The following ITPR1 variants were observed in gnomAD, a reference collection of about 807,000 sequenced individuals.
ITPR1 encodes the protein inositol 1,4,5-trisphosphate receptor type 1.
ITPR1 carries 96 observed loss-of-function variants against 318.4 expected under a neutral mutation model. The observed-to-expected ratio is 0.30, with a 90% CI of 0.26 to 0.36. ITPR1 has a LOEUF of 0.36. Among genes scored for constraint, ITPR1 ranks in the 10% least tolerant of loss-of-function variants. ITPR1 has a pLI of 1.00. For missense variants in ITPR1, 2,440 were observed against 3,460.2 expected (o/e 0.71, Z 7.40); for synonymous variants, 1,312 against 1,289.9 (o/e 1.02, Z -0.37).
At chr3:4,805,937 T>G (rs561174593) in intron 54 of ITPR1, among the ~76,000 whole-genome samples, 166 bp from the exon 55 acceptor site, 17 of 152,340 alleles carry the variant, frequency 1.1e-4, no homozygotes, top group African/African-American at 3.4e-4. Flanking sequence ...ATGAAATGAC[T>G]TAGATCTGCA....
chr3:4,690,195 A>C (rs2094458345), intron 31 of ITPR1, among the ~76,000 whole-genome samples: 1 of 152,226 alleles, frequency 6.6e-6, no homozygotes, highest in African/African-American at 2.4e-5. Context: ...GAATAGCTTG[A>C]ACTCAGGAGG....
At chr3:4,590,080 G>C (rs920790780) in intron 4 of ITPR1, among the ~76,000 whole-genome samples, 1 of 151,368 alleles carries the variant, frequency 6.6e-6, no homozygotes, top group Non-Finnish European at 1.5e-5. Flanking sequence ...CCTCTGCACA[G>C]ATGCCACCAC....
Position 4,645,568 on chromosome 3 carries a change from G to A in ITPR1, c.709-14G>A. ...ATTCTTTTTTCCTTAATTCTTTCTT[G>A]TGTTGACTGTCAGGGTGACGTGGTG... On this transcript the variant is annotated splice_polypyrimidine_tract_variant and intron_variant, in intron 9 of 61. Coordinates refer to ENST00000649015, the MANE Select transcript of ITPR1 (RefSeq NM_001378452.1). 6.2e-7 allele frequency: 1 copy of A among 1,612,548 alleles called. No homozygotes were observed. Among genetic ancestry groups the A allele is most frequent in the Non-Finnish European group, 8.5e-7 (1 of 1,179,128 alleles).
At chr3:4,715,512 G>C (rs2041702738) in intron 39 of ITPR1, among the ~76,000 whole-genome samples, 1 of 152,190 alleles carries the variant, frequency 6.6e-6, no homozygotes, top group Non-Finnish European at 1.5e-5. Flanking sequence ...AGTAGCAAGT[G>C]GTTGGTTCAC....
At chr3:4,523,799 G>A (rs1219041280) in intron 4 of ITPR1, among the ~76,000 whole-genome samples, 1 of 152,212 alleles carries the variant, frequency 6.6e-6, no homozygotes, top group Non-Finnish European at 1.5e-5. Flanking sequence ...TAGGACTATA[G>A]CAGGGGAAGT....
intron 4 of ITPR1, among the ~76,000 whole-genome samples, chr3:4,622,405 G>A (rs866148826): frequency 2.8e-4 from 42 of 150,166 alleles, no homozygotes; most frequent in African/African-American, 6.1e-4. Context: ...AAGCCACTGC[G>A]GCCAGCCTTT....
At chr3:4,788,729 C>T (rs2047361015) in intron 52 of ITPR1, among the ~76,000 whole-genome samples, 2 of 152,324 alleles carry the variant, frequency 1.3e-5, no homozygotes. Flanking sequence ...CTTCTGTGTT[C>T]CTGGTTTTCA....
In ITPR1 at chr3:4,766,904, C is replaced by G. The variant is rs560091241; in HGVS notation, c.5725+194C>G. Among the ~76,000 whole-genome samples, 3 of 152,192 alleles carry G rather than the reference C, an allele frequency of 2.0e-5. No individual in the cohort carries two copies. The South Asian group carries it at 6.2e-4, about 32-fold the overall frequency. ...AGCCCTGCTGCTCAGAAGGATCTTC[C>G]TGTTTAATAAAGAACATTCCTCTTG... On this transcript the variant is annotated intron_variant, in intron 45 of 61. Transcript: ENST00000649015.
At chr3:4,623,345 A>G (rs572224828) in intron 4 of ITPR1, among the ~76,000 whole-genome samples, 139 of 152,300 alleles carry the variant, frequency 9.1e-4, no homozygotes, top group Middle Eastern at 3.4e-3. Context: ...TGCTAACTCA[A>G]TGTGGCATAT....
chr3:4,730,230 A>C (rs1333100958), intron 42 of ITPR1, among the ~76,000 whole-genome samples: 3 of 138,448 alleles, frequency 2.2e-5, no homozygotes, highest in Non-Finnish European at 3.1e-5. Flanking sequence ...AAAAAAAAAA[A>C]CAAAAAAAAA....
At chr3:4,611,304 A>G (rs1318847714) in intron 4 of ITPR1, among the ~76,000 whole-genome samples, 7 of 150,510 alleles carry the variant, frequency 4.7e-5, no homozygotes, top group Non-Finnish European at 7.4e-5. Flanking sequence ...TCACGCCTGT[A>G]ATCCCAGCAC....
chr3:4,550,946 A>G lies in ITPR1; in HGVS notation c.163+29852A>G, dbSNP rs866766125. On this transcript the variant is annotated intron_variant, in intron 4 of 61. Transcript: ENST00000649015. ...TGTTGAAGATTGAGATGACTCCACT[A>G]GGAACAAAAATGGTTGGTGAAGAGG... 2.6e-5 allele frequency among the ~76,000 whole-genome samples: 4 copies of G among 152,128 alleles called. No individual in the cohort carries two copies. The South Asian group carries it at 8.3e-4, about 31-fold the overall frequency.
intron 19 of ITPR1, among the ~76,000 whole-genome samples, chr3:4,670,283 C>T (rs1223152276): frequency 1.3e-5 from 2 of 152,202 alleles, no homozygotes; most frequent in African/African-American, 2.4e-5. Flanking sequence ...TACTAAATTA[C>T]GTCCTGAGCT....
intron 15 of ITPR1, 72 bp downstream of exon 15, chr3:4,662,314 G>A: frequency 1.5e-6 from 2 of 1,338,100 alleles, no homozygotes; most frequent in South Asian, 1.8e-5. Context: ...GGGGTGGAGT[G>A]AGAGAATGGT....
rs1202494098 is a variant in ITPR1 at position 4,711,843 on chromosome 3, C to G, written c.5078C>G (p.Thr1693Ser). ...CTACAGACCCTGAGGGAAATGATGA[C>G]CAAAGATAGAGGCTATGGAGAAAAG... Reference protein sequence around the residue: ...KVLQTLREMMTKDRGYGEKLI... With the variant: ...KVLQTLREMMSKDRGYGEKLI... Residue 1693 changes from threonine (T) to serine (S), a missense_variant, in exon 39 of 62, where the codon ACC (threonine) becomes AGC (serine). This residue lies in a region of ITPR1 where 166 missense variants were observed against 143.7 expected (regional missense o/e 1.16). Transcript: ENST00000649015. The G allele has an allele frequency of 6.5e-7, 1 of 1,528,890 alleles. No homozygotes were observed. Among genetic ancestry groups the G allele is most frequent in the Non-Finnish European group, 8.8e-7 (1 of 1,130,432 alleles). The allele number at this position is 1,528,890 out of a possible 1,614,324, so 94.7% of individuals were successfully genotyped here.
intron 2 of ITPR1, among the ~76,000 whole-genome samples, chr3:4,498,645 G>T (rs1487710352): frequency 6.6e-6 from 1 of 152,186 alleles, no homozygotes; most frequent in Non-Finnish European, 1.5e-5. Context: ...ACTCGATAGG[G>T]GGTAAAACCC....
intron 60 of ITPR1, among the ~76,000 whole-genome samples, chr3:4,820,852 C>A (rs2049663939): frequency 6.6e-6 from 1 of 152,196 alleles, no homozygotes; most frequent in Non-Finnish European, 1.5e-5. Context: ...AGCATTAGCC[C>A]CATCAGGGTA....
chr3:4,665,378 A>G (rs1195440860), intron 17 of ITPR1, 82 bp downstream of exon 17: 50 of 1,304,774 alleles, frequency 3.8e-5, no homozygotes, highest in Non-Finnish European at 2.0e-5. Context: ...TTTTAGTGTC[A>G]CATGTCTATT....
intron 44 of ITPR1, 107 bp from the exon 45 acceptor site, chr3:4,766,423 G>T (rs138486252): frequency 1.9e-5 from 16 of 830,908 alleles, no homozygotes; most frequent in Non-Finnish European, 3.1e-5. Flanking sequence ...TAGATCATGC[G>T]TGAGGTTTTG....
Sources: allele counts gnomAD v4.1 joint callset (sites outside exome capture counted in the v4.1 genomes callset), GRCh38; gene constraint gnomAD v4.1.1; regional missense constraint gnomAD v4.1.1; transcripts MANE v1.5; gene names NCBI Gene and HGNC (gene_info 2026-07-23, HGNC 2026-07-21).